Variants in SFSWAP observed in about 807,000 individuals in gnomAD.
SFSWAP encodes splicing factor SWAP, also known as splicing factor, suppressor of white-apricot homolog.
A neutral mutation model predicts 100.7 loss-of-function variants in SFSWAP; 17 were observed. The observed-to-expected ratio is 0.17, with a 90% CI of 0.12 to 0.25. The LOEUF (loss-of-function observed/expected upper bound fraction) is 0.25. SFSWAP is among the 10% of genes least tolerant of loss of function. SFSWAP has a pLI of 1.00. For synonymous variants in SFSWAP, 504 were observed against 510.1 expected (o/e 0.99, Z 0.16); for missense variants, 1,005 against 1,262.6 (o/e 0.80, Z 3.09).
intron 4 of SFSWAP, among the ~76,000 whole-genome samples, chr12:131,719,851 T>G (rs1003380666): frequency 1.3e-5 from 2 of 152,232 alleles, no homozygotes; most frequent in Admixed American, 6.5e-5. Context: ...GCGAGTGGGC[T>G]GCTCCCCACA....
chr12:131,765,792 C>T (rs546313723), intron 12 of SFSWAP, among the ~76,000 whole-genome samples: 4 of 138,348 alleles, frequency 2.9e-5, no homozygotes, highest in South Asian at 5.0e-4. Context: ...AACCAACTGT[C>T]GGATCATTTG....
At chr12:131,724,123 T>C (rs1273121227) in intron 4 of SFSWAP, among the ~76,000 whole-genome samples, 1 of 152,208 alleles carries the variant, frequency 6.6e-6, no homozygotes, top group Non-Finnish European at 1.5e-5. Context: ...CTTTGTTTTT[T>C]TGTAAAATTA....
intron 1 of SFSWAP, chr12:131,712,493 C>T (rs1877470590): frequency 6.6e-6 from 1 of 152,160 alleles, no homozygotes; most frequent in African/African-American, 2.4e-5. Context: ...GTGGAATAGT[C>T]TCTCCACGTG....
chr12:131,768,984 G>A (rs1325397983), intron 13 of SFSWAP, among the ~76,000 whole-genome samples: 5 of 152,076 alleles, frequency 3.3e-5, no homozygotes, highest in Non-Finnish European at 4.4e-5. Flanking sequence ...AAAATTAGCC[G>A]AGCGTGGTGG....
At chr12:131,770,778 C>T (rs1001377218) in intron 13 of SFSWAP, among the ~76,000 whole-genome samples, 5 of 152,172 alleles carry the variant, frequency 3.3e-5, no homozygotes, top group Non-Finnish European at 7.3e-5. Context: ...GCAACTATTA[C>T]CACCCAACCG....
intron 16 of SFSWAP, among the ~76,000 whole-genome samples, chr12:131,798,040 A>G (rs1450631389): frequency 6.6e-6 from 1 of 152,228 alleles, no homozygotes; most frequent in African/African-American, 2.4e-5. Flanking sequence ...TGGCACCTTT[A>G]GAGTTAAAAT....
At chr12:131,777,119 GT>G (rs932299535) in intron 13 of SFSWAP, among the ~76,000 whole-genome samples, 1 of 151,654 alleles carries the variant, frequency 6.6e-6, no homozygotes, top group Non-Finnish European at 1.5e-5. Flanking sequence ...AGTTAAAACT[GT>G]TTTTTTTGTT....
rs137904471 is a variant in SFSWAP at position 131,765,967 on chromosome 12, T to C, written c.1952-151T>C. 2.7e-3 allele frequency: 1,911 copies of C among 704,726 alleles called. 22 individuals are homozygous for C. The Middle Eastern group carries it at 0.028, about 10-fold the overall frequency. 43.7% of individuals were successfully genotyped at this position (704,726 alleles called of 1,614,324 possible). A position where few individuals can be genotyped will look rare whatever the true frequency, so the allele number is the denominator to read the frequency against. On this transcript the variant is annotated intron_variant, in intron 12 of 17. Transcript: ENST00000261674. ...CAAAAAAGGGCACGTTATAAACTAA[T>C]TCTCTCAAAATTTGATTTGTCCAAT... is the stretch of plus-strand genomic sequence containing the variant.
At chr12:131,792,061 A>ACT (rs1391077711) in intron 15 of SFSWAP, among the ~76,000 whole-genome samples, 2 of 140,538 alleles carry the variant, frequency 1.4e-5, no homozygotes. Flanking sequence ...GTGTGTGTGC[A>ACT]CGTGTGTGTT....
chr12:131,756,392 C>CATATATA (rs3072495), intron 10 of SFSWAP, 81 bp from the exon 11 acceptor site: 2 of 1,264,426 alleles, frequency 1.6e-6, no homozygotes, highest in African/African-American at 1.5e-5. Flanking sequence ...TCCAGTGAAA[C>CATATATA]ATATACCGTA....
Position 131,714,138 on chromosome 12 carries a change from G to A in SFSWAP, c.286G>A (p.Asp96Asn). ...YDAEYSTWNR[D>N]YQLSEEEARI... ...TGCTGAGTATTCCACGTGGAACAGA[G>A]ATTATCAGCTGTCTGAAGAGGAGGC... Residue 96 changes from aspartate (D) to asparagine (N), a missense_variant, in exon 2 of 18, where the codon GAT (aspartate) becomes AAT (asparagine). Asp to Asn is a conservative substitution (Grantham distance 23). This residue lies in a region of SFSWAP where 237 missense variants were observed against 337.0 expected (regional missense o/e 0.70). Coordinates refer to ENST00000261674, the MANE Select transcript of SFSWAP (RefSeq NM_004592.4). This position sits in a 1 kb window ranked among gnomAD's most constrained non-coding sequence, Gnocchi z 6.0. 1 of 1,614,060 alleles carries A rather than the reference G, an allele frequency of 6.2e-7. No individual in the cohort carries two copies. Among genetic ancestry groups the A allele is most frequent in the Non-Finnish European group, 8.5e-7 (1 of 1,179,944 alleles).
chr12:131,765,184 G>A (rs1238448287), intron 12 of SFSWAP, among the ~76,000 whole-genome samples: 1 of 152,246 alleles, frequency 6.6e-6, no homozygotes, highest in Non-Finnish European at 1.5e-5. Context: ...AACACTGCTG[G>A]CAGCATGGGG....
rs756392361 is a variant in SFSWAP at position 131,756,568 on chromosome 12, G to A, written c.1644G>A (p.Val548=). The change falls in exon 11 of 18, where the codon GTG becomes GTA. Residue 548 remains valine, a synonymous_variant. Transcript: ENST00000261674. ...EDGAPEDAAE[V]GARAGSGGKK... is the part of the protein sequence containing the mutation. ...GCGCGCCTGAAGACGCAGCCGAGGT[G>A]GGAGCACGGGCAGGCTCAGGCGGGA... 2 of 1,613,920 alleles carry A rather than the reference G, an allele frequency of 1.2e-6. No individual in the cohort carries two copies. The highest frequency in any genetic ancestry group is 1.1e-5 in the South Asian group (1 of 91,056).
In SFSWAP at chr12:131,727,033, G is replaced by T; in HGVS notation, c.926G>T (p.Arg309Leu). 6.3e-7 allele frequency: 1 copy of T among 1,585,726 alleles called. No individual in the cohort carries two copies. The highest frequency in any genetic ancestry group is 8.6e-7 in the Non-Finnish European group (1 of 1,157,962). Reference protein sequence around the residue: ...PSLFASKKCNRLEELMKPLKV... With the variant: ...PSLFASKKCNLLEELMKPLKV... ...CTCTTTGCCTCCAAGAAGTGTAACCGCCTTGAAGAGCTGATGAAGGTTTTT... is the reference window on the plus strand; with the variant it reads ...CTCTTTGCCTCCAAGAAGTGTAACCTCCTTGAAGAGCTGATGAAGGTTTTT... Residue 309 changes from arginine to leucine, a missense_variant, in exon 6 of 18, where the codon CGC (arginine) becomes CTC (leucine). Around this residue, in one of 7 missense-constraint regions of SFSWAP, gnomAD observed 22 missense variants for 52.6 expected, o/e 0.42. Coordinates refer to ENST00000261674, the MANE Select transcript of SFSWAP (RefSeq NM_004592.4).
In SFSWAP at chr12:131,730,570, G is replaced by C. The variant is rs1449361011; in HGVS notation, c.1081+2142G>C. Among the ~76,000 whole-genome samples the C allele has an allele frequency of 6.6e-6, 1 of 152,160 alleles. No homozygotes were observed. Among genetic ancestry groups the C allele is most frequent in the Non-Finnish European group, 1.5e-5 (1 of 68,034 alleles). ...ATGTGATCTGAACTGAGGCATGCAG[G>C]GGTGGCATTGTGAGCTGTCTGGGTC... On this transcript the variant is annotated intron_variant, in intron 7 of 17. Transcript: ENST00000261674. This position sits in a 1 kb window ranked among gnomAD's most constrained non-coding sequence, Gnocchi z 4.0.
At chr12:131,715,184 C>T (rs530707392) in intron 3 of SFSWAP, among the ~76,000 whole-genome samples, 14 of 152,242 alleles carry the variant, frequency 9.2e-5, no homozygotes, top group African/African-American at 2.9e-4. Flanking sequence ...CTCATTGATT[C>T]GGGTAACAGA....
intron 7 of SFSWAP, among the ~76,000 whole-genome samples, chr12:131,750,446 G>A (rs1482395896): frequency 1.3e-5 from 2 of 152,214 alleles, no homozygotes; most frequent in Admixed American, 1.3e-4. Flanking sequence ...TGTGTGTGGG[G>A]AAGAGGTGAC....
intron 14 of SFSWAP, among the ~76,000 whole-genome samples, chr12:131,780,492 A>G (rs905852349): frequency 6.6e-6 from 1 of 152,130 alleles, no homozygotes; most frequent in African/African-American, 2.4e-5. Flanking sequence ...TCTCTACAAA[A>G]TATTTTTTTT....
At chr12:131,729,923 C>T (rs998285767) in intron 7 of SFSWAP, among the ~76,000 whole-genome samples, 2 of 152,210 alleles carry the variant, frequency 1.3e-5, no homozygotes, top group African/African-American at 4.8e-5. Context: ...ACATACTAAA[C>T]GTTTTTAGAC....
Sources: gnomAD v4.1 joint callset for allele counts (sites outside exome capture counted in the v4.1 genomes callset) on GRCh38, gnomAD v4.1.1 for gene constraint, gnomAD v4.1.1 regional missense constraint, Gnocchi (gnomAD v3.1) non-coding constraint, MANE v1.5 for transcripts, NCBI Gene and HGNC (gene_info 2026-07-23, HGNC 2026-07-21) for gene names.